The following IRAG1 variants were observed in gnomAD, a reference collection of about 807,000 sequenced individuals.
The protein encoded by IRAG1 is inositol 1,4,5-triphosphate receptor associated 1.
Under a neutral mutation model 106.2 loss-of-function variants are expected in IRAG1, and 62 were observed. The observed-to-expected ratio is 0.58, with a 90% CI of 0.48 to 0.72. IRAG1 has a LOEUF of 0.72. Ranked by LOEUF, IRAG1 falls within the 30% of genes least tolerant of loss-of-function variation. IRAG1 has a pLI of 0.00. For synonymous variants in IRAG1, 462 were observed against 443.9 expected, an observed-to-expected ratio of 1.04 and a Z score of -0.51; for missense variants, 1,064 against 1,140.7, an observed-to-expected ratio of 0.93 and a Z score of 0.97.
intron 10 of IRAG1, among the ~76,000 whole-genome samples, chr11:10,611,967 G>C (rs1315105427): frequency 6.6e-6 from 1 of 152,182 alleles, no homozygotes; most frequent in Non-Finnish European, 1.5e-5. Flanking sequence ...GAGAGGAAAG[G>C]CAGAATGATC....
intron 1 of IRAG1, chr11:10,693,330 G>C: frequency 3.0e-6 from 3 of 1,003,286 alleles, no homozygotes; most frequent in Non-Finnish European, 4.1e-6. Context: ...AGTTAAGTTA[G>C]GACTGGCAAG....
intron 1 of IRAG1, among the ~76,000 whole-genome samples, chr11:10,680,301 A>G (rs376698865): frequency 1.9e-5 from 2 of 106,506 alleles, no homozygotes; most frequent in South Asian, 8.5e-4. Flanking sequence ...AGAGAGAGAG[A>G]GAGGGAGGGA....
chr11:10,677,604 T>A (rs372813734), intron 1 of IRAG1, among the ~76,000 whole-genome samples: 17 of 152,224 alleles, frequency 1.1e-4, no homozygotes, highest in African/African-American at 3.6e-4. Flanking sequence ...ACTTCTTTTT[T>A]AAAAAATTAT....
chr11:10,658,712 A>T, intron 1 of IRAG1: 2 of 184,006 alleles, frequency 1.1e-5, no homozygotes, highest in Non-Finnish European at 2.1e-5. Flanking sequence ...TGCTGTGGTC[A>T]GTCCCAGGTC....
rs757740044 is a variant in IRAG1 at position 10,594,187 on chromosome 11, C to A, written c.2026G>T (p.Val676Phe). The A allele has an allele frequency of 6.2e-7, 1 of 1,609,992 alleles. No homozygotes were observed. Among genetic ancestry groups the A allele is most frequent in the Non-Finnish European group, 8.5e-7 (1 of 1,178,320 alleles). The change falls in exon 16 of 21, where the codon GTC becomes TTC. Residue 676 changes from valine (V) to phenylalanine (F), a missense_variant. Physicochemically the swap from Val to Phe is conservative, Grantham distance 50. Transcript: ENST00000423302. The stretch of plus-strand genomic sequence containing the variant: ...GACATGGACCGTGCCGTGCGAGGGA[C>A]CCCATCTTCTGCAGCAGGAGGGAGC... ...SRSCGPSEDG[V>F]PRTARSMSLT...
rs1858977627 is a variant in IRAG1 at position 10,657,017 on chromosome 11, G to A, written c.68-4835C>T. ...TAAAGAGTGGCCTACAGTTGAGCCT[G>A]CATGTCCTCTGGTAGGTGGTAGCAG... On this transcript the variant is annotated intron_variant, in intron 1 of 20. Transcript: ENST00000423302. This position sits in a 1 kb window ranked among gnomAD's most constrained non-coding sequence, Gnocchi z 4.1. Among the ~76,000 whole-genome samples, 2 of 152,160 alleles carry A rather than the reference G, an allele frequency of 1.3e-5. No homozygotes were observed.
intron 1 of IRAG1, among the ~76,000 whole-genome samples, chr11:10,664,220 C>T (rs1441674544): frequency 1.3e-5 from 2 of 152,162 alleles, no homozygotes; most frequent in African/African-American, 2.4e-5. Flanking sequence ...GCAGCTGCGA[C>T]TGTGATCATC....
chr11:10,662,822 C>T (rs1859502032), intron 1 of IRAG1, among the ~76,000 whole-genome samples: 1 of 152,192 alleles, frequency 6.6e-6, no homozygotes, highest in Non-Finnish European at 1.5e-5. Context: ...TATTAGGGGT[C>T]CTGGCAATCC....
rs117369058 is a variant in IRAG1 at position 10,631,725 on chromosome 11, C to T, written c.400+266G>A. 3.8e-3 allele frequency among the ~76,000 whole-genome samples: 572 copies of T among 152,330 alleles called. 13 individuals are homozygous for T. The East Asian group carries it at 0.064, about 17-fold the overall frequency. ...GCTGGAGGACTCTGCCCCCTAAACC[C>T]CAGAAATGAGTTTCACTCAGCTGTT... On this transcript the variant is annotated intron_variant, in intron 4 of 20. Coordinates refer to ENST00000423302, the MANE Select transcript of IRAG1 (RefSeq NM_130385.4).
intron 1 of IRAG1, among the ~76,000 whole-genome samples, chr11:10,670,603 C>G (rs946867882): frequency 9.9e-5 from 15 of 152,192 alleles, no homozygotes; most frequent in Non-Finnish European, 7.3e-5. Context: ...ATTGTGCCCC[C>G]CAATACTCCT....
rs1474538984 is a variant in IRAG1, at chr11:10,628,738, A to C, written c.652+13T>G. ...GAGGCAGGGCAGGAAGTCCCCGGGC[A>C]GCTGGGCCTCACCTGGCGGGGTGGG... On this transcript the variant is annotated intron_variant, in intron 6 of 20. Transcript: ENST00000423302. This position sits in a 1 kb window ranked among gnomAD's most constrained non-coding sequence, Gnocchi z 4.1. 6.5e-7 allele frequency: 1 copy of C among 1,526,990 alleles called. No homozygotes were observed. The highest frequency in any genetic ancestry group is 8.8e-7 in the Non-Finnish European group (1 of 1,142,312). 94.6% of individuals were successfully genotyped at this position (1,526,990 alleles called of 1,614,324 possible).
Position 10,693,643 on chromosome 11 carries a change from A to G in IRAG1, c.-41T>C, listed in dbSNP as rs1862234361. On this transcript the variant is annotated 5_prime_UTR_variant, in exon 1 of 21. Coordinates refer to ENST00000423302, the MANE Select transcript of IRAG1 (RefSeq NM_130385.4). ...CATCTGGCTCCGGAGCTCAGAGCCG[A>G]GAAGCCTCTGGCTGCAGAACCTCGG... 1 of 1,533,316 alleles carries G rather than the reference A, an allele frequency of 6.5e-7. No individual in the cohort carries two copies. Among genetic ancestry groups the G allele is most frequent in the South Asian group, 1.2e-5 (1 of 83,944 alleles). The allele number at this position is 1,533,316 out of a possible 1,614,324, so 95.0% of individuals were successfully genotyped here. A position where few individuals can be genotyped will look rare whatever the true frequency, so the allele number is the denominator to read the frequency against.
At chr11:10,603,381 G>A (rs2134337469) in intron 13 of IRAG1, 130 bp from the exon 14 acceptor site, 3 of 1,020,680 alleles carry the variant, frequency 2.9e-6, no homozygotes, top group South Asian at 3.2e-5. Context: ...TGGGGGCGAT[G>A]GTTTGGGGAT....
At chr11:10,640,728 A>G (rs1488926784) in intron 2 of IRAG1, among the ~76,000 whole-genome samples, 2 of 152,148 alleles carry the variant, frequency 1.3e-5, no homozygotes, top group Non-Finnish European at 2.9e-5. Context: ...AGCTTGGGAG[A>G]GCAGTAAGAC....
chr11:10,604,081 C>T (rs1854275629), intron 13 of IRAG1, among the ~76,000 whole-genome samples: 1 of 152,212 alleles, frequency 6.6e-6, no homozygotes, highest in South Asian at 2.1e-4. Flanking sequence ...GGGCCTGGGC[C>T]ACAGTTTCTT....
At chr11:10,691,035 G>A (rs1160009141) in intron 1 of IRAG1, among the ~76,000 whole-genome samples, 1 of 152,158 alleles carries the variant, frequency 6.6e-6, no homozygotes, top group Non-Finnish European at 1.5e-5. Context: ...GCCCCAGAGA[G>A]AGCGGCTGAG....
intron 10 of IRAG1, among the ~76,000 whole-genome samples, chr11:10,612,481 C>T (rs1253202670): frequency 6.6e-6 from 1 of 152,098 alleles, no homozygotes; most frequent in Non-Finnish European, 1.5e-5. Flanking sequence ...TCAACTAAAG[C>T]ACTAAAGGGA....
intron 18 of IRAG1, chr11:10,585,979 T>C (rs948768786): frequency 6.6e-6 from 1 of 152,018 alleles, no homozygotes; most frequent in Non-Finnish European, 1.5e-5. Flanking sequence ...CCCCCACCTT[T>C]CTTTCAATAG....
At chr11:10,596,118 T>C (rs891553591) in intron 15 of IRAG1, among the ~76,000 whole-genome samples, 1 of 152,242 alleles carries the variant, frequency 6.6e-6, no homozygotes, top group Non-Finnish European at 1.5e-5. Context: ...TTTAGGTTGA[T>C]TCCATGTCTT....
Sources: allele counts gnomAD v4.1 joint callset (sites outside exome capture counted in the v4.1 genomes callset), GRCh38; gene constraint gnomAD v4.1.1; non-coding constraint Gnocchi (gnomAD v3.1); transcripts MANE v1.5; gene names NCBI Gene and HGNC (gene_info 2026-07-23, HGNC 2026-07-21).